SPAG17: variants seen among roughly 807,000 people sequenced by gnomAD.
The protein encoded by SPAG17 is sperm-associated antigen 17.
Under a neutral mutation model 273.6 loss-of-function variants are expected in SPAG17, and 169 were observed. The observed-to-expected ratio is 0.62, with a 90% CI of 0.55 to 0.70. The LOEUF (loss-of-function observed/expected upper bound fraction) is 0.70, where lower values mean the gene tolerates loss of function less well. SPAG17 is among the 30% of genes least tolerant of loss of function. SPAG17 has a pLI of 0.00. For missense variants in SPAG17, 2,557 were observed against 2,627.8 expected, an observed-to-expected ratio of 0.97 and a Z score of 0.59; for synonymous variants, 825 against 873.2, an observed-to-expected ratio of 0.94 and a Z score of 0.97.
intron 20 of SPAG17, among the ~76,000 whole-genome samples, chr1:118,051,057 A>G (rs1369330779): frequency 6.6e-6 from 1 of 152,230 alleles, no homozygotes; most frequent in Non-Finnish European, 1.5e-5. Flanking sequence ...GGAAACAAAT[A>G]ACCCAATTAA....
intron 46 of SPAG17, among the ~76,000 whole-genome samples, chr1:117,968,564 A>G (rs1251618340): frequency 6.6e-6 from 1 of 152,224 alleles, no homozygotes; most frequent in East Asian, 1.9e-4. Context: ...TGTTTTCTAT[A>G]GAGCATATTA....
At chr1:118,163,542 T>C (rs1440267535) in intron 1 of SPAG17, among the ~76,000 whole-genome samples, 3 of 134,340 alleles carry the variant, frequency 2.2e-5, no homozygotes, top group African/African-American at 8.2e-5. Flanking sequence ...TCCTTCTTCC[T>C]TTTTTTTTTT....
chr1:118,098,198 C>A (rs1655838463), intron 6 of SPAG17, among the ~76,000 whole-genome samples: 1 of 152,192 alleles, frequency 6.6e-6, no homozygotes, highest in Non-Finnish European at 1.5e-5. Flanking sequence ...TCTGCCATAT[C>A]ACTTTTTAAA....
At chr1:118,114,180 G>A (rs1476348554) in intron 4 of SPAG17, among the ~76,000 whole-genome samples, 1 of 152,024 alleles carries the variant, frequency 6.6e-6, no homozygotes, top group Admixed American at 6.6e-5. Context: ...ATTACCCTGA[G>A]TATTTCTTAA....
At chr1:118,177,665 T>C (rs1021267646) in intron 1 of SPAG17, among the ~76,000 whole-genome samples, 3 of 151,954 alleles carry the variant, frequency 2.0e-5, no homozygotes, top group African/African-American at 7.3e-5. Flanking sequence ...AAACAAATTG[T>C]CAAATCTTTA....
chr1:118,160,334 C>A (rs1037494383), intron 1 of SPAG17, among the ~76,000 whole-genome samples: 3 of 152,164 alleles, frequency 2.0e-5, no homozygotes, highest in African/African-American at 7.2e-5. Context: ...TACTGCAGCC[C>A]TTTTGCTTTG....
chr1:118,100,797 T>A (rs1656017129), intron 5 of SPAG17, among the ~76,000 whole-genome samples: 1 of 152,148 alleles, frequency 6.6e-6, no homozygotes, highest in South Asian at 2.1e-4. Context: ...TACTTACAGC[T>A]GCCTAGGATG....
At chr1:118,166,229 C>T (rs1450766019) in intron 1 of SPAG17, among the ~76,000 whole-genome samples, 2 of 152,154 alleles carry the variant, frequency 1.3e-5, no homozygotes. Context: ...ACACTAAGAA[C>T]AACACAAAGA....
chr1:118,047,428 C>A (rs1446910245), intron 20 of SPAG17, among the ~76,000 whole-genome samples: 1 of 152,180 alleles, frequency 6.6e-6, no homozygotes, highest in African/African-American at 2.4e-5. Flanking sequence ...GCCAGGCCAG[C>A]CCCTGCAGAC....
intron 29 of SPAG17, among the ~76,000 whole-genome samples, chr1:118,013,358 C>A (rs1659660075): frequency 6.6e-6 from 1 of 152,154 alleles, no homozygotes; most frequent in Admixed American, 6.5e-5. Context: ...GTGGCAGTCA[C>A]TACTTAAGAG....
chr1:118,108,136 T>C lies in SPAG17; in HGVS notation c.448-6210A>G, dbSNP rs147663856. Reference sequence around the variant, plus strand: ...TCTGCTCTCTCCCCATGGCTGACCATAATGGTGGTCTACTTATTCCTCTCC... The same window carrying C: ...TCTGCTCTCTCCCCATGGCTGACCACAATGGTGGTCTACTTATTCCTCTCC... On this transcript the variant is annotated intron_variant, in intron 4 of 48. Coordinates refer to ENST00000336338, the MANE Select transcript of SPAG17 (RefSeq NM_206996.4). Among the ~76,000 whole-genome samples, 710 of 152,274 alleles carry C rather than the reference T, an allele frequency of 4.7e-3. 7 individuals are homozygous for C. The highest frequency in any genetic ancestry group is 0.016 in the African/African-American group (683 of 41,550).
intron 20 of SPAG17, among the ~76,000 whole-genome samples, chr1:118,048,522 A>G (rs911194509): frequency 6.6e-6 from 1 of 152,250 alleles, no homozygotes; most frequent in Non-Finnish European, 1.5e-5. Context: ...ACAAACTTTT[A>G]GCTAAACTAA....
chr1:118,177,333 T>C (rs4430315), intron 1 of SPAG17, among the ~76,000 whole-genome samples: 9,922 of 152,182 alleles, frequency 0.065, 478 homozygotes, highest in East Asian at 0.27. Context: ...GAACAGCCTT[T>C]TATAAAACCA....
chr1:117,990,940 T>C, intron 37 of SPAG17, 34 bp from the exon 38 acceptor site: 4 of 1,309,354 alleles, frequency 3.1e-6, no homozygotes, highest in Non-Finnish European at 4.3e-6. Flanking sequence ...ATGATGATTA[T>C]ATTACTTACA....
At chr1:118,096,883 C>T (rs181180831) in intron 7 of SPAG17, among the ~76,000 whole-genome samples, 3 of 152,254 alleles carry the variant, frequency 2.0e-5, no homozygotes, top group Admixed American at 6.5e-5. Context: ...CTGATAACTA[C>T]AGGGCCAAAG....
At chr1:118,165,925 G>A (rs942409970) in intron 1 of SPAG17, among the ~76,000 whole-genome samples, 3 of 152,142 alleles carry the variant, frequency 2.0e-5, no homozygotes, top group African/African-American at 4.8e-5. Flanking sequence ...TTACGGGCGT[G>A]AGCCACCGCA....
At chr1:117,996,083 A>G (rs771744347) in intron 34 of SPAG17, among the ~76,000 whole-genome samples, 3 of 152,138 alleles carry the variant, frequency 2.0e-5, no homozygotes, top group Admixed American at 6.6e-5. Flanking sequence ...ACTTTGGTAC[A>G]TACCTAAACA....
intron 45 of SPAG17, 86 bp downstream of exon 45, chr1:117,971,777 T>C: frequency 8.4e-7 from 1 of 1,191,304 alleles, no homozygotes; most frequent in Admixed American, 2.4e-5. Flanking sequence ...TTCGGTTCAA[T>C]AAACATTTAT....
intron 28 of SPAG17, 83 bp from the exon 29 acceptor site, chr1:118,016,265 T>A: frequency 9.5e-7 from 1 of 1,054,704 alleles, no homozygotes; most frequent in Non-Finnish European, 1.4e-6. Context: ...TTTGACACAG[T>A]ACAAACTACC....
Sources: gnomAD v4.1 joint callset for allele counts (sites outside exome capture counted in the v4.1 genomes callset) on GRCh38, gnomAD v4.1.1 for gene constraint, MANE v1.5 for transcripts, NCBI Gene and HGNC (gene_info 2026-07-23, HGNC 2026-07-21) for gene names.